Variants in ZFP62 observed in about 807,000 individuals in gnomAD.
ZFP62 encodes zinc finger protein 62 homolog.
ZFP62 carries 44 observed loss-of-function variants against 56.4 expected under a neutral mutation model. That is an observed-to-expected ratio of 0.78 (90% CI 0.61 to 1.00). The LOEUF (loss-of-function observed/expected upper bound fraction) is 1.00. Ranked by LOEUF, ZFP62 falls within the 50% of genes least tolerant of loss-of-function variation. ZFP62 has a pLI of 0.00. For missense variants in ZFP62, 1,030 were observed against 1,085.7 expected, an observed-to-expected ratio of 0.95 and a Z score of 0.72; for synonymous variants, 421 against 388.9, an observed-to-expected ratio of 1.08 and a Z score of -0.97.
chr5:180,832,245 T>G, the ZFP62 span, among the ~76,000 whole-genome samples: 11 of 152,204 alleles, frequency 7.2e-5, no homozygotes, highest in Non-Finnish European at 1.0e-4. Context: ...TCAACCTTCC[T>G]GGACTCAAGT....
At chr5:180,856,265 C>A (rs1030238763) in intron 1 of ZFP62, among the ~76,000 whole-genome samples, 3 of 152,090 alleles carry the variant, frequency 2.0e-5, no homozygotes, top group Non-Finnish European at 1.5e-5. Context: ...TGAGTGAAAT[C>A]AAAATGGATT....
chr5:180,829,453 G>A, the ZFP62 span, among the ~76,000 whole-genome samples: 21 of 152,146 alleles, frequency 1.4e-4, no homozygotes, highest in African/African-American at 2.7e-4. Context: ...TGAGCATCAC[G>A]GTCCTACCAA....
chr5:180,827,201 G>A, the ZFP62 span, among the ~76,000 whole-genome samples: 1 of 152,206 alleles, frequency 6.6e-6, no homozygotes, highest in Non-Finnish European at 1.5e-5. Context: ...GTCATCACCT[G>A]AAAGTTGCCC....
chr5:180,828,384 C>T, the ZFP62 span, among the ~76,000 whole-genome samples: 2 of 152,188 alleles, frequency 1.3e-5, no homozygotes, highest in African/African-American at 2.4e-5. Context: ...CCCCAATCCT[C>T]CAGTCTCTAC....
In ZFP62 at chr5:180,849,837, C is replaced by T. The variant is rs753207685; in HGVS notation, c.1658G>A (p.Arg553Gln). ...RNNSGLKVHK[R>Q]IHTGERPYKC... ...GTAAGGTCGTTCCCCAGTGTGGATT[C>T]GTTTATGTACTTTAAGGCCAGAATT... The change falls in exon 2 of 2, where the codon CGA (arginine) becomes CAA (glutamine). Residue 553 changes from arginine to glutamine, a missense_variant. Physicochemically the swap from Arg to Gln is conservative, Grantham distance 43. Coordinates refer to ENST00000502412, the MANE Select transcript of ZFP62 (RefSeq NM_001172638.2). 7.1e-6 allele frequency: 11 copies of T among 1,551,682 alleles called. No homozygotes were observed. Among genetic ancestry groups the T allele is most frequent in the African/African-American group, 2.7e-5 (2 of 72,994 alleles).
chr5:180,859,238 C>T (rs746144904), intron 1 of ZFP62, among the ~76,000 whole-genome samples: 3 of 152,150 alleles, frequency 2.0e-5, no homozygotes, highest in African/African-American at 7.2e-5. Flanking sequence ...AAGGTTCACG[C>T]GTGGATTCTA....
rs754806051 is a variant in ZFP62 at position 180,848,980 on chromosome 5, GCTT to G, written c.2512_2514del (p.Lys838del). The G allele has an allele frequency of 1.3e-6, 2 of 1,551,572 alleles. No individual in the cohort carries two copies. The highest frequency in any genetic ancestry group is 2.0e-5 in the Admixed American group (1 of 50,982). On this transcript the variant is annotated inframe_deletion, in exon 2 of 2. Transcript: ENST00000502412. ...TTACCACACTCATTACATCGGTATG[GCTT>G]CTTTCCAGTGTGGATCCTTTTGTGC...
chr5:180,848,793 T>TA lies in ZFP62; in HGVS notation c.2701dup (p.Ter901LeufsTer19). 1 of 1,522,898 alleles carries TA rather than the reference T, an allele frequency of 6.6e-7. No individual in the cohort carries two copies. The highest frequency in any genetic ancestry group is 1.2e-5 in the South Asian group (1 of 81,120). 94.3% of individuals were successfully genotyped at this position (1,522,898 alleles called of 1,614,324 possible). On this transcript the variant is annotated frameshift_variant and stop_lost, in exon 2 of 2. Coordinates refer to ENST00000502412, the MANE Select transcript of ZFP62 (RefSeq NM_001172638.2). LOFTEE classifies it high-confidence loss of function. Reference sequence around the variant, plus strand: ...GAGAGACTTGGTAAGCTCTGCCTGCTACAGAGGCATCCTCATCCTGCCCCC... The same window carrying TA: ...GAGAGACTTGGTAAGCTCTGCCTGCTAACAGAGGCATCCTCATCCTGCCCCC...
intron 1 of ZFP62, among the ~76,000 whole-genome samples, chr5:180,856,789 C>T (rs1365934196): frequency 6.7e-6 from 1 of 150,114 alleles, no homozygotes; most frequent in African/African-American, 2.5e-5. Context: ...CCCATCTCTA[C>T]TAAAAATACA....
In ZFP62 at chr5:180,848,541, C is replaced by T; in HGVS notation, c.*251G>A. 8.3e-7 allele frequency: 1 copy of T among 1,199,272 alleles called. No individual in the cohort carries two copies. The highest frequency in any genetic ancestry group is 1.0e-6 in the Non-Finnish European group (1 of 965,566). The allele number at this position is 1,199,272 out of a possible 1,614,324, so 74.3% of individuals were successfully genotyped here. A position where few individuals can be genotyped will look rare whatever the true frequency, so the allele number is the denominator to read the frequency against. ...CTACTGATTTTGAAGATTTGCTTCA[C>T]ATTCCATCACTCAGATCTAAGTTTT... is the stretch of plus-strand genomic sequence containing the variant. On this transcript the variant is annotated 3_prime_UTR_variant, in exon 2 of 2. Transcript: ENST00000502412.
Position 180,848,959 on chromosome 5 carries a change from C to T in ZFP62, c.2536G>A (p.Gly846Ser). ...GKKPYRCNEC[G>S]KAFNIRSNLT... ...TTTGATCTGATATTAAAAGCCTTAC[C>T]ACACTCATTACATCGGTATGGCTTC... is the stretch of plus-strand genomic sequence containing the variant. The change falls in exon 2 of 2, where the codon GGT (glycine) becomes AGT (serine). Residue 846 changes from glycine to serine, a missense_variant. Physicochemically the swap from Gly to Ser is moderately conservative, Grantham distance 56. Coordinates refer to ENST00000502412, the MANE Select transcript of ZFP62 (RefSeq NM_001172638.2). 6.4e-7 allele frequency: 1 copy of T among 1,551,822 alleles called. No homozygotes were observed. Among genetic ancestry groups the T allele is most frequent in the Non-Finnish European group, 8.7e-7 (1 of 1,147,002 alleles).
Position 180,847,991 on chromosome 5 carries a change from T to C in ZFP62, c.*801A>G. On this transcript the variant is annotated 3_prime_UTR_variant, in exon 2 of 2. Transcript: ENST00000502412. ...GAATGTGTCAAAATCCTCTCCACGGTAGAACCTTTTATTGTAGCATAATGT... is the reference window on the plus strand; with the variant it reads ...GAATGTGTCAAAATCCTCTCCACGGCAGAACCTTTTATTGTAGCATAATGT... The C allele has an allele frequency of 1.0e-6, 1 of 985,444 alleles. No individual in the cohort carries two copies. The allele number at this position is 985,444 out of a possible 1,614,324, so 61.0% of individuals were successfully genotyped here.
intron 1 of ZFP62, among the ~76,000 whole-genome samples, 195 bp downstream of exon 1, chr5:180,861,024 C>T (rs1367878995): frequency 6.6e-6 from 1 of 152,200 alleles, no homozygotes; most frequent in Non-Finnish European, 1.5e-5. Context: ...CGCCCTGCAC[C>T]CCTCTGCCTG....
At chr5:180,852,094 AT>A (rs1292530563) in intron 1 of ZFP62, 3 of 894,346 alleles carry the variant, frequency 3.4e-6, no homozygotes, top group Non-Finnish European at 4.0e-6. Context: ...AACGTCTATA[AT>A]TAAAATAGTA....
chr5:180,839,902 C>T, the ZFP62 span, among the ~76,000 whole-genome samples: 16 of 152,158 alleles, frequency 1.1e-4, no homozygotes, highest in African/African-American at 3.9e-4. Flanking sequence ...TTTCTCTGCC[C>T]CACCCACCAT....
chr5:180,840,130 AG>A, the ZFP62 span, among the ~76,000 whole-genome samples: 1 of 152,210 alleles, frequency 6.6e-6, no homozygotes, highest in Non-Finnish European at 1.5e-5. Context: ...TTGCATCATG[AG>A]GGCGTGTTCC....
downstream of ZFP62, among the ~76,000 whole-genome samples, chr5:180,846,068 TG>T (rs1773405437): frequency 1.3e-5 from 2 of 152,130 alleles, no homozygotes; most frequent in African/African-American, 4.8e-5. Flanking sequence ...CCGGGGGTGG[TG>T]CCTAAACCAT....
downstream of ZFP62, among the ~76,000 whole-genome samples, chr5:180,845,326 TAAAAAAAAAAAAAAAA>T (rs772922940): frequency 2.9e-3 from 96 of 32,830 alleles, no homozygotes; most frequent in African/African-American, 0.013. Context: ...GAGACCGTCT[TAAAAAAAAAAAAAAAA>T]AAAAAAAAAA....
intron 1 of ZFP62, among the ~76,000 whole-genome samples, chr5:180,857,215 G>A (rs776659155): frequency 6.6e-5 from 10 of 152,022 alleles, no homozygotes; most frequent in African/African-American, 1.2e-4. Context: ...TTGGATATGC[G>A]TTTTGGAAAA....
Sources: gnomAD v4.1 joint callset for allele counts (sites outside exome capture counted in the v4.1 genomes callset) on GRCh38, gnomAD v4.1.1 for gene constraint, MANE v1.5 for transcripts, NCBI Gene and HGNC (gene_info 2026-07-23, HGNC 2026-07-21) for gene names.